The following PCDHGA5 variants were observed in gnomAD, a reference collection of about 807,000 sequenced individuals.
PCDHGA5 encodes the protein protocadherin gamma-A5.
A neutral mutation model predicts 56.7 loss-of-function variants in PCDHGA5; 36 were observed. The observed-to-expected ratio is 0.64, with a 90% CI of 0.49 to 0.84. The LOEUF (loss-of-function observed/expected upper bound fraction) is 0.84. Among genes scored for constraint, PCDHGA5 ranks in the 40% least tolerant of loss-of-function variants. PCDHGA5 has a pLI of 0.00. For synonymous variants in PCDHGA5, 563 were observed against 520.2 expected (o/e 1.08, Z -1.12); for missense variants, 1,305 against 1,201.5 (o/e 1.09, Z -1.27).
chr5:141,478,724 G>T, intron 1 of PCDHGA5: 2 of 1,542,774 alleles, frequency 1.3e-6, no homozygotes, highest in Non-Finnish European at 1.8e-6. Context: ...TGGCCTGCCA[G>T]AGTGTGGTTT....
At chr5:141,378,078 T>C (rs1215089288) in intron 1 of PCDHGA5, 1 of 152,178 alleles carries the variant, frequency 6.6e-6, no homozygotes, top group South Asian at 2.1e-4. Context: ...GAAAATAATT[T>C]TATAACTTTT....
intron 1 of PCDHGA5, chr5:141,375,160 T>C (rs373409677): frequency 1.2e-6 from 2 of 1,613,972 alleles, no homozygotes; most frequent in Non-Finnish European, 1.7e-6. Flanking sequence ...TTGCTGAAAG[T>C]GCACCTCCAG....
rs369940443 is a variant in PCDHGA5, at chr5:141,477,841, C to G, written c.2422-16966C>G. 6.2e-7 allele frequency: 1 copy of G among 1,613,308 alleles called. No individual in the cohort carries two copies. The highest frequency in any genetic ancestry group is 1.3e-5 in the African/African-American group (1 of 74,700). On this transcript the variant is annotated intron_variant, in intron 1 of 3. Coordinates refer to ENST00000518069, the MANE Select transcript of PCDHGA5 (RefSeq NM_018918.3). The surrounding 1 kb of genome is among the most constrained non-coding windows in gnomAD (Gnocchi z 4.9). ...TCCTATATCCTCGGCCAGGTGGGAG[C>G]TCGGTGGAGATGCTGCCTCGAGGTA...
In PCDHGA5 at chr5:141,372,623, C is replaced by T. The variant is rs1024329977; in HGVS notation, c.2421+5872C>T. The T allele has an allele frequency of 6.8e-6, 11 of 1,613,878 alleles. No homozygotes were observed. In the Admixed American group the frequency reaches 1.2e-4, roughly 17 times the overall value. ...CTGTACCTGGAGTTCTCCCCACCTA[C>T]AGCGAAAGGACTTTGCCTTATTCCT... is the stretch of plus-strand genomic sequence containing the variant. On this transcript the variant is annotated intron_variant, in intron 1 of 3. Transcript: ENST00000518069.
At chr5:141,398,521 A>C in intron 1 of PCDHGA5, 1 of 1,613,690 alleles carries the variant, frequency 6.2e-7, no homozygotes, top group Non-Finnish European at 8.5e-7. Context: ...CCACACGCCA[A>C]AATTCACGCA....
At chr5:141,427,901 G>T in intron 1 of PCDHGA5, 1 of 1,572,232 alleles carries the variant, frequency 6.4e-7, no homozygotes. Flanking sequence ...GCTCGCCCGC[G>T]CTCAGCGCCA....
chr5:141,501,290 T>TACACAC lies in PCDHGA5; in HGVS notation c.2481-4064_2481-4059dup, dbSNP rs55762287. Among the ~76,000 whole-genome samples the TACACAC allele has an allele frequency of 5.7e-3, 774 of 136,224 alleles. 5 individuals are homozygous for TACACAC. The highest frequency in any genetic ancestry group is 9.9e-3 in the African/African-American group (361 of 36,504). The allele number at this position is 136,224 out of a possible 152,430, so 89.4% of individuals were successfully genotyped here. A position where few individuals can be genotyped will look rare whatever the true frequency, so the allele number is the denominator to read the frequency against. ...GTCCAGTCTATGGGATATTCCCTTA[T>TACACAC]ACACACACACACACACACACACACA... On this transcript the variant is annotated intron_variant, in intron 2 of 3. Transcript: ENST00000518069.
At chr5:141,376,251 G>T in intron 1 of PCDHGA5, 1 of 1,614,228 alleles carries the variant, frequency 6.2e-7, no homozygotes, top group Non-Finnish European at 8.5e-7. Context: ...CACAAGTCAC[G>T]CCTGCTGCAG....
chr5:141,391,847 A>T (rs1478301262), intron 1 of PCDHGA5: 1 of 152,232 alleles, frequency 6.6e-6, no homozygotes, highest in Non-Finnish European at 1.5e-5. Context: ...TGTAAAAGTC[A>T]AGTCTGCTTT....
In PCDHGA5 at chr5:141,491,841, A is replaced by T. The variant is rs995010359; in HGVS notation, c.2422-2966A>T. The T allele has an allele frequency of 1.4e-6, 2 of 1,465,172 alleles. No homozygotes were observed. The highest frequency in any genetic ancestry group is 1.4e-5 in the African/African-American group (1 of 69,948). 90.8% of individuals were successfully genotyped at this position (1,465,172 alleles called of 1,614,324 possible). ...TGCGCTCCACCCGATTCTCGGGATC[A>T]TTGGACCGTTTGCGCGAAACCAGAG... is the stretch of plus-strand genomic sequence containing the variant. On this transcript the variant is annotated intron_variant, in intron 1 of 3. Transcript: ENST00000518069. The surrounding 1 kb of genome is among the most constrained non-coding windows in gnomAD (Gnocchi z 6.9).
chr5:141,484,897 A>G (rs2099602925), intron 1 of PCDHGA5: 2 of 392,698 alleles, frequency 5.1e-6, no homozygotes, highest in Middle Eastern at 7.1e-4. Flanking sequence ...TTTCCCCTCC[A>G]ATGCTGCGAC....
chr5:141,495,108 C>G (rs1304714928), intron 2 of PCDHGA5, among the ~76,000 whole-genome samples: 1 of 152,176 alleles, frequency 6.6e-6, no homozygotes, highest in Admixed American at 6.5e-5. Context: ...ACGACCGGCA[C>G]CTTTTCCTAT....
intron 1 of PCDHGA5, among the ~76,000 whole-genome samples, chr5:141,382,425 AAG>A (rs1778199818): frequency 6.6e-6 from 1 of 152,212 alleles, no homozygotes; most frequent in Admixed American, 6.5e-5. Flanking sequence ...CAGTGCCCAA[AAG>A]AGTCACTTGA....
rs745658462 is a variant in PCDHGA5 at position 141,414,720 on chromosome 5, T to C, written c.2421+47969T>C. 6 of 1,614,132 alleles carry C rather than the reference T, an allele frequency of 3.7e-6. No homozygotes were observed. The East Asian group carries it at 1.3e-4, about 36-fold the overall frequency. ...CATACATATCCATCAACTCAGACAC[T>C]GGCGTCCTGTATGCACTCAGATCCT... On this transcript the variant is annotated intron_variant, in intron 1 of 3. Coordinates refer to ENST00000518069, the MANE Select transcript of PCDHGA5 (RefSeq NM_018918.3).
Position 141,385,307 on chromosome 5 carries a change from A to G in PCDHGA5, c.2421+18556A>G, listed in dbSNP as rs766207712. The stretch of plus-strand genomic sequence containing the variant: ...GTAGATTTTCAGGAATGTAAAGAAA[A>G]CCTGCCAAGTATTCAGGTGAGCCCA... On this transcript the variant is annotated intron_variant, in intron 1 of 3. Transcript: ENST00000518069. 19 of 1,612,402 alleles carry G rather than the reference A, an allele frequency of 1.2e-5. No homozygotes were observed. Among genetic ancestry groups the G allele is most frequent in the African/African-American group, 2.7e-5 (2 of 74,932 alleles).
chr5:141,511,581 T>C lies in PCDHGA5; in HGVS notation c.*408T>C, dbSNP rs2099883862. ...TCTTTCCCGAGTAAGGTGGTTGGGG[T>C]GTTGAAGTACCAAGTAACCTACAAG... On this transcript the variant is annotated 3_prime_UTR_variant, in exon 4 of 4. Transcript: ENST00000518069. 1 of 281,638 alleles carries C rather than the reference T, an allele frequency of 3.6e-6. No homozygotes were observed. The highest frequency in any genetic ancestry group is 2.2e-5 in the African/African-American group (1 of 46,302). 17.4% of individuals were successfully genotyped at this position (281,638 alleles called of 1,614,324 possible). A position where few individuals can be genotyped will look rare whatever the true frequency, so the allele number is the denominator to read the frequency against.
At chr5:141,499,019 AGGAAGGAAGAAAAG>A (rs2099788655) in intron 2 of PCDHGA5, among the ~76,000 whole-genome samples, 1 of 150,840 alleles carries the variant, frequency 6.6e-6, no homozygotes, top group Non-Finnish European at 1.5e-5. Flanking sequence ...GAAGGAAGGA[AGGAAGGAAGAAAAG>A]AAAGAAAAAG....
At chr5:141,404,224 AAC>A (rs1416261372) in intron 1 of PCDHGA5, 1 of 1,613,704 alleles carries the variant, frequency 6.2e-7, no homozygotes, top group Non-Finnish European at 8.5e-7. Flanking sequence ...CGGTGACTGC[AAC>A]AGACAGAGGA....
chr5:141,409,669 C>T, intron 1 of PCDHGA5: 1 of 1,613,528 alleles, frequency 6.2e-7, no homozygotes, highest in Non-Finnish European at 8.5e-7. Context: ...ACATCTCCTA[C>T]TCTATAGTGG....
Sources: allele counts gnomAD v4.1 joint callset (sites outside exome capture counted in the v4.1 genomes callset), GRCh38; gene constraint gnomAD v4.1.1; non-coding constraint Gnocchi (gnomAD v3.1); transcripts MANE v1.5; gene names NCBI Gene and HGNC (gene_info 2026-07-23, HGNC 2026-07-21).